Variants in EYA1 observed in about 807,000 individuals in gnomAD.
EYA1 encodes the protein protein phosphatase EYA1.
Under a neutral mutation model 82.0 loss-of-function variants are expected in EYA1, and 16 were observed. The observed-to-expected ratio is 0.20, with a 90% CI of 0.13 to 0.30. The LOEUF (loss-of-function observed/expected upper bound fraction) is 0.30, where lower values mean the gene tolerates loss of function less well. Among genes scored for constraint, EYA1 ranks in the 10% least tolerant of loss-of-function variants. The probability of loss-of-function intolerance (pLI) is 1.00; values close to 1 mark genes in which losing one functional copy is unlikely to be tolerated. For missense variants in EYA1, 633 were observed against 730.7 expected (o/e 0.87, Z 1.54); for synonymous variants, 261 against 264.4 (o/e 0.99, Z 0.12).
intron 2 of EYA1, among the ~76,000 whole-genome samples, chr8:71,485,913 T>C (rs971672538): frequency 6.6e-6 from 1 of 152,186 alleles, no homozygotes; most frequent in African/African-American, 2.4e-5. Flanking sequence ...GTTTGATGTG[T>C]CCTTTAATGA....
At chr8:71,333,794 C>T (rs745776242) in intron 4 of EYA1, among the ~76,000 whole-genome samples, 26 of 152,150 alleles carry the variant, frequency 1.7e-4, no homozygotes, top group Non-Finnish European at 2.5e-4. Context: ...TAAGAGAGAA[C>T]GGGGGAGGAG....
At chr8:71,322,727 T>C (rs762007193) in intron 4 of EYA1, among the ~76,000 whole-genome samples, 13 of 152,172 alleles carry the variant, frequency 8.5e-5, no homozygotes, top group Non-Finnish European at 1.3e-4. Flanking sequence ...CCAAGAAACA[T>C]GGTCTAATCT....
At chr8:71,215,114 T>A (rs189017971) in intron 16 of EYA1, among the ~76,000 whole-genome samples, 1 of 152,226 alleles carries the variant, frequency 6.6e-6, no homozygotes, top group Non-Finnish European at 1.5e-5. Context: ...GATAAAAATA[T>A]GATAATAATC....
chr8:71,423,385 C>G (rs971106462), intron 2 of EYA1, among the ~76,000 whole-genome samples: 9 of 152,118 alleles, frequency 5.9e-5, no homozygotes, highest in African/African-American at 1.9e-4. Flanking sequence ...GAGGATTGTT[C>G]TTGAAATATT....
chr8:71,237,827 T>A (rs1253134481), intron 12 of EYA1, among the ~76,000 whole-genome samples: 1 of 152,184 alleles, frequency 6.6e-6, no homozygotes, highest in Non-Finnish European at 1.5e-5. Flanking sequence ...TATTAGTTTT[T>A]AAAAATTAAC....
chr8:71,446,431 C>CT (rs1464237579), intron 2 of EYA1, among the ~76,000 whole-genome samples: 3 of 129,422 alleles, frequency 2.3e-5, no homozygotes, highest in South Asian at 2.8e-4. Flanking sequence ...TTTCCTGAGG[C>CT]CCCCCAAGCC....
At chr8:71,225,161 A>T (rs1049609653) in intron 12 of EYA1, 4 of 454,204 alleles carry the variant, frequency 8.8e-6, no homozygotes. Context: ...CTGATGCAGA[A>T]CAGCATGATT....
intron 17 of EYA1, among the ~76,000 whole-genome samples, chr8:71,202,267 T>G (rs907024698): frequency 1.3e-5 from 2 of 151,966 alleles, no homozygotes; most frequent in Non-Finnish European, 2.9e-5. Context: ...AAAATCCAGC[T>G]ACTTCTTTGG....
chr8:71,431,207 T>C (rs979538365), intron 2 of EYA1, among the ~76,000 whole-genome samples: 3 of 152,222 alleles, frequency 2.0e-5, no homozygotes, highest in Admixed American at 1.3e-4. Context: ...ATATAATCCT[T>C]GATTCCCACA....
rs146671164 is a variant in EYA1, at chr8:71,435,485, G to T, written c.34-78974C>A. 6.1e-3 allele frequency among the ~76,000 whole-genome samples: 926 copies of T among 151,900 alleles called. 12 individuals are homozygous for T. Among genetic ancestry groups the T allele is most frequent in the African/African-American group, 0.022 (900 of 41,458 alleles). On this transcript the variant is annotated intron_variant, in intron 2 of 18. Coordinates refer to the EYA1 transcript ENST00000643681. Reference sequence around the variant, plus strand: ...AATGAAAGTGAGCTCTAAAATAAAGGTTTGTCTTCGGGATAAAAATGTATA... The same window carrying T: ...AATGAAAGTGAGCTCTAAAATAAAGTTTTGTCTTCGGGATAAAAATGTATA...
intron 1 of EYA1, among the ~76,000 whole-genome samples, chr8:71,545,876 A>C (rs1382751669): frequency 6.6e-6 from 1 of 151,950 alleles, no homozygotes; most frequent in Non-Finnish European, 1.5e-5. Context: ...CCCTATCTTA[A>C]TTCGCACTTT....
At chr8:71,468,106 A>G (rs923582674) in intron 2 of EYA1, among the ~76,000 whole-genome samples, 1 of 152,110 alleles carries the variant, frequency 6.6e-6, no homozygotes, top group Non-Finnish European at 1.5e-5. Context: ...ATTTATCTCT[A>G]TTTTCAAAGA....
At chr8:71,345,155 C>T (rs1461113934) in intron 3 of EYA1, among the ~76,000 whole-genome samples, 2 of 152,138 alleles carry the variant, frequency 1.3e-5, no homozygotes, top group East Asian at 3.8e-4. Context: ...ATGTTTTGAG[C>T]ATGTAGTAGA....
chr8:71,398,568 C>A (rs1829768527), intron 2 of EYA1, among the ~76,000 whole-genome samples: 1 of 152,200 alleles, frequency 6.6e-6, no homozygotes, highest in Non-Finnish European at 1.5e-5. Flanking sequence ...CCACTCCAGA[C>A]CCTCTTTGCC....
Position 71,323,596 on chromosome 8 carries a change from C to T in EYA1, c.203-1328G>A, listed in dbSNP as rs536713405. ...GATTAGTACCACTCTTGCAAGCTCC[C>T]AGACTTCAAACATCTGGCTGGCCGC... On this transcript the variant is annotated intron_variant, in intron 4 of 17. Coordinates refer to ENST00000340726, the MANE Select transcript of EYA1 (RefSeq NM_000503.6). 4.6e-5 allele frequency among the ~76,000 whole-genome samples: 7 copies of T among 152,320 alleles called. No homozygotes were observed. The South Asian group carries it at 1.5e-3, about 32-fold the overall frequency.
chr8:71,460,132 G>A (rs1253496420), intron 2 of EYA1, among the ~76,000 whole-genome samples: 2 of 152,156 alleles, frequency 1.3e-5, no homozygotes, highest in Non-Finnish European at 2.9e-5. Flanking sequence ...CATTCTCCAG[G>A]TGTTCAATCT....
chr8:71,334,294 A>G, intron 3 of EYA1, 120 bp from the exon 4 acceptor site: 1 of 831,322 alleles, frequency 1.2e-6, no homozygotes. Context: ...ATTTTCCCTA[A>G]CTGAACATAT....
At chr8:71,369,220 A>G (rs1223323208) in intron 2 of EYA1, among the ~76,000 whole-genome samples, 1 of 151,832 alleles carries the variant, frequency 6.6e-6, no homozygotes, top group Non-Finnish European at 1.5e-5. Context: ...AAAAAAAAAA[A>G]AAACTTCTTA....
intron 7 of EYA1, among the ~76,000 whole-genome samples, chr8:71,313,502 A>G (rs1821579442): frequency 6.6e-6 from 1 of 152,188 alleles, no homozygotes; most frequent in Non-Finnish European, 1.5e-5. Flanking sequence ...TAATCACATC[A>G]CCACTGCAAT....
Sources: gnomAD v4.1 joint callset for allele counts (sites outside exome capture counted in the v4.1 genomes callset) on GRCh38, gnomAD v4.1.1 for gene constraint, MANE v1.5 for transcripts, NCBI Gene and HGNC (gene_info 2026-07-23, HGNC 2026-07-21) for gene names.